Variants in TMEM200C observed in about 807,000 individuals in gnomAD.
TMEM200C encodes transmembrane protein TTMA.
For missense variants in TMEM200C, 966 were observed against 699.9 expected (o/e 1.38, Z -4.29); for synonymous variants, 462 against 324.7 (o/e 1.42, Z -4.55).
Position 5,891,738 on chromosome 18 carries a change from C to T in TMEM200C, c.326G>A (p.Ser109Asn), listed in dbSNP as rs2095171416. 6.2e-7 allele frequency: 1 copy of T among 1,612,200 alleles called. No individual in the cohort carries two copies. The highest frequency in any genetic ancestry group is 8.5e-7 in the Non-Finnish European group (1 of 1,179,798). Residue 109 changes from serine (S) to asparagine (N), a missense_variant, in exon 3 of 3, where the codon AGC becomes AAC. Transcript: ENST00000581347. The surrounding 1 kb of genome is among the most constrained non-coding windows in gnomAD (Gnocchi z 4.7). Reference sequence around the variant, plus strand: ...AGGGTGGCTCCTGGACCGGTTTTTGCTGCCACTGCTACTGCTGTTGGCCGT... The same window carrying T: ...AGGGTGGCTCCTGGACCGGTTTTTGTTGCCACTGCTACTGCTGTTGGCCGT...
chr18:5,894,349 T>C (rs565308226), intron 2 of TMEM200C, among the ~76,000 whole-genome samples: 1 of 152,338 alleles, frequency 6.6e-6, no homozygotes, highest in East Asian at 1.9e-4. Context: ...TTCAGCTCTG[T>C]TGAAGGCTGT....
At position 5,891,950 on chromosome 18, in the gene TMEM200C, G is replaced by T; in HGVS notation, c.114C>A (p.Asp38Glu). 1 of 1,613,964 alleles carries T rather than the reference G, an allele frequency of 6.2e-7. No individual in the cohort carries two copies. Among genetic ancestry groups the T allele is most frequent in the Non-Finnish European group, 8.5e-7 (1 of 1,179,894 alleles). ...TCAGCTTGCCTTTCACCACCACCACGTCGTTCTTGCGCCTCTTCTTGGCTT... is the reference window on the plus strand; with the variant it reads ...TCAGCTTGCCTTTCACCACCACCACTTCGTTCTTGCGCCTCTTCTTGGCTT... The change falls in exon 3 of 3, where the codon GAC becomes GAA. Residue 38 changes from aspartate (D) to glutamate (E), a missense_variant. By Grantham distance (45) the Asp-to-Glu change is conservative. Transcript: ENST00000581347. The surrounding 1 kb of genome is among the most constrained non-coding windows in gnomAD (Gnocchi z 4.7).
At chr18:5,887,159 ATT>A (rs2095165998) in exon 3 of TMEM200C, 1 of 152,218 alleles carries the variant, frequency 6.6e-6, no homozygotes, top group Admixed American at 6.5e-5. Flanking sequence ...TGTTGCAATT[ATT>A]TTAATTTAAC....
exon 3 of TMEM200C, chr18:5,884,693 C>G (rs1219476833): frequency 6.6e-6 from 1 of 151,978 alleles, no homozygotes; most frequent in Non-Finnish European, 1.5e-5. Flanking sequence ...TGTGTCTATA[C>G]AAAAGGGAGT....
In TMEM200C at chr18:5,890,418, G is replaced by T. The variant is rs769726954; in HGVS notation, c.1646C>A (p.Ser549Ter). The T allele has an allele frequency of 1.0e-5, 16 of 1,572,996 alleles. No homozygotes were observed. Among genetic ancestry groups the T allele is most frequent in the Admixed American group, 3.5e-5 (2 of 56,610 alleles). ...TTGACCAGCTACTGCGTCCAAGACC[G>T]ACTCGGTGGAGGTGCCGGCCTCCCG... is the stretch of plus-strand genomic sequence containing the variant. Residue 549 changes from serine (S) to a stop codon, truncating the protein, a stop_gained, in exon 3 of 3, where the codon TCG becomes TAG. Coordinates refer to ENST00000581347, the Ensembl canonical transcript of TMEM200C. LOFTEE classifies it low-confidence loss of function (END_TRUNC).
At chr18:5,892,874 A>T (rs1184697417) in intron 2 of TMEM200C, among the ~76,000 whole-genome samples, 1 of 152,208 alleles carries the variant, frequency 6.6e-6, no homozygotes, top group Non-Finnish European at 1.5e-5. Flanking sequence ...CTGTTCCTAC[A>T]GCTATGTGCA....
exon 3 of TMEM200C, chr18:5,882,084 A>T (rs1035269532): frequency 1.3e-5 from 2 of 152,156 alleles, no homozygotes; most frequent in African/African-American, 4.8e-5. Context: ...CATTGCGTAA[A>T]CCAGTTTAAT....
exon 3 of TMEM200C, chr18:5,890,846 C>A: frequency 1.5e-6 from 1 of 678,630 alleles, no homozygotes; most frequent in South Asian, 1.5e-5. Context: ...AGCCGCGTTC[C>A]CCCGGAGGCC....
chr18:5,891,365 C>A lies in TMEM200C; in HGVS notation c.699G>T (p.Ser233=). 3.0e-6 allele frequency: 4 copies of A among 1,348,078 alleles called. No homozygotes were observed. The highest frequency in any genetic ancestry group is 2.2e-5 in the South Asian group (1 of 46,306). 83.5% of individuals were successfully genotyped at this position (1,348,078 alleles called of 1,614,324 possible). The change falls in exon 3 of 3, where the codon TCG becomes TCT. Residue 233 remains serine, a synonymous_variant. Coordinates refer to ENST00000581347, the Ensembl canonical transcript of TMEM200C. This position sits in a 1 kb window ranked among gnomAD's most constrained non-coding sequence, Gnocchi z 4.7. ...GGGGCGCCGCGGCGGGGGCAGACGA[C>A]GACGAAGAGGCGGCGGCGGCCGCGG...
chr18:5,885,577 C>T (rs1352572988), exon 3 of TMEM200C: 2 of 152,194 alleles, frequency 1.3e-5, no homozygotes, highest in Non-Finnish European at 2.9e-5. Context: ...AGTTCACACC[C>T]ATGTGGGCTC....
exon 3 of TMEM200C, chr18:5,883,017 A>G (rs2095162868): frequency 6.7e-6 from 1 of 149,328 alleles, no homozygotes; most frequent in African/African-American, 2.4e-5. Flanking sequence ...TATTAACCAC[A>G]GCACTTTATC....
rs758443070 is a variant in TMEM200C, at chr18:5,891,647, G to C, written c.417C>G (p.Ala139=). ...ACGTGGAGGAGGAGGACGGGGAGGC[G>C]GCTCGTGCTGGAGGCGTGCTCCTGG... The change falls in exon 3 of 3, where the codon GCC becomes GCG. Residue 139 remains alanine, a synonymous_variant. Transcript: ENST00000581347. This position sits in a 1 kb window ranked among gnomAD's most constrained non-coding sequence, Gnocchi z 4.7. 1 of 1,613,808 alleles carries C rather than the reference G, an allele frequency of 6.2e-7. No homozygotes were observed. The highest frequency in any genetic ancestry group is 2.2e-5 in the East Asian group (1 of 44,822).
In TMEM200C at chr18:5,890,314, TG is replaced by T. The variant is rs749508733; in HGVS notation, c.1749del (p.Thr584ArgfsTer20). The T allele has an allele frequency of 6.2e-7, 1 of 1,604,302 alleles. No homozygotes were observed. Among genetic ancestry groups the T allele is most frequent in the Non-Finnish European group, 8.5e-7 (1 of 1,174,932 alleles). On this transcript the variant is annotated frameshift_variant, in exon 3 of 3. Coordinates refer to ENST00000581347, the Ensembl canonical transcript of TMEM200C. LOFTEE classifies it low-confidence loss of function (END_TRUNC). ...TGCACCGGCTGAGGTTGCTCGGCCG[TG>T]GGTGGCTCCTGGCTGGCACCCTCCG...
At chr18:5,887,999 G>C (rs1028801367) in exon 3 of TMEM200C, 12 of 152,188 alleles carry the variant, frequency 7.9e-5, no homozygotes, top group Non-Finnish European at 1.3e-4. Context: ...AGAGGTATTA[G>C]CTTTATTATT....
Position 5,891,342 on chromosome 18 carries a change from G to A in TMEM200C, c.722C>T (p.Pro241Leu), listed in dbSNP as rs1422462761. The change falls in exon 3 of 3, where the codon CCC (proline) becomes CTC (leucine). Residue 241 changes from proline (P) to leucine (L), a missense_variant. Physicochemically the swap from Pro to Leu is moderately conservative, Grantham distance 98. Coordinates refer to ENST00000581347, the Ensembl canonical transcript of TMEM200C. This position sits in a 1 kb window ranked among gnomAD's most constrained non-coding sequence, Gnocchi z 4.7. ...GCCGTTGAGCGGTATGGCCCCGGGG[G>A]GCGCCGCGGCGGGGGCAGACGACGA... The A allele has an allele frequency of 6.8e-6, 9 of 1,330,342 alleles. No homozygotes were observed. The highest frequency in any genetic ancestry group is 8.6e-6 in the Non-Finnish European group (9 of 1,042,540). 82.4% of individuals were successfully genotyped at this position (1,330,342 alleles called of 1,614,324 possible).
rs543455233 is a variant in TMEM200C at position 5,890,866 on chromosome 18, T to G, written c.1198A>C (p.Ser400Arg). ...CGTTCCCCCGGAGGCCTCTGCCAGCTGCAGCTCGCGCCCTCCGCGTCCCCG... is the reference window on the plus strand; with the variant it reads ...CGTTCCCCCGGAGGCCTCTGCCAGCGGCAGCTCGCGCCCTCCGCGTCCCCG... The change falls in exon 3 of 3, where the codon AGC becomes CGC. Residue 400 changes from serine (S) to arginine (R), a missense_variant. Transcript: ENST00000581347. 2,038 of 682,132 alleles carry G rather than the reference T, an allele frequency of 3.0e-3. 12 individuals are homozygous for G. The highest frequency in any genetic ancestry group is 3.2e-3 in the Non-Finnish European group (1,215 of 375,944). 42.3% of individuals were successfully genotyped at this position (682,132 alleles called of 1,614,324 possible).
Position 5,891,304 on chromosome 18 carries a change from C to G in TMEM200C, c.760G>C (p.Val254Leu). 3.5e-6 allele frequency: 5 copies of G among 1,415,072 alleles called. No individual in the cohort carries two copies. Among genetic ancestry groups the G allele is most frequent in the Non-Finnish European group, 4.6e-6 (5 of 1,079,056 alleles). 87.7% of individuals were successfully genotyped at this position (1,415,072 alleles called of 1,614,324 possible). Residue 254 changes from valine to leucine, a missense_variant, in exon 3 of 3, where the codon GTG becomes CTG. Transcript: ENST00000581347. This position sits in a 1 kb window ranked among gnomAD's most constrained non-coding sequence, Gnocchi z 4.7. ...TTCAGCTCCAGGCCCCGCGACTGCA[C>G]GTAGCTGAGGAAGCCGTTGAGCGGT...
chr18:5,891,063 C>A lies in TMEM200C; in HGVS notation c.1001G>T (p.Gly334Val). 3.7e-6 allele frequency: 2 copies of A among 535,742 alleles called. No individual in the cohort carries two copies. The highest frequency in any genetic ancestry group is 4.9e-5 in the South Asian group (2 of 40,824). The allele number at this position is 535,742 out of a possible 1,614,324, so 33.2% of individuals were successfully genotyped here. A position where few individuals can be genotyped will look rare whatever the true frequency, so the allele number is the denominator to read the frequency against. The change falls in exon 3 of 3, where the codon GGC (glycine) becomes GTC (valine). Residue 334 changes from glycine to valine, a missense_variant. Coordinates refer to ENST00000581347, the Ensembl canonical transcript of TMEM200C. The surrounding 1 kb of genome is among the most constrained non-coding windows in gnomAD (Gnocchi z 4.7). Reference sequence around the variant, plus strand: ...GGTGGCAGCGGCGGCCCGGCGACTGCCTGCCACGCCCGAGCGCTCGCGGTA... The same window carrying A: ...GGTGGCAGCGGCGGCCCGGCGACTGACTGCCACGCCCGAGCGCTCGCGGTA...
Position 5,891,199 on chromosome 18 carries a change from C to T in TMEM200C, c.865G>A (p.Ala289Thr). Reference sequence around the variant, plus strand: ...CGAGGGCGGCCGCCGCTCGGCGCCGCGGGGTGAGGAGGCCACGAGCCCTTG... The same window carrying T: ...CGAGGGCGGCCGCCGCTCGGCGCCGTGGGGTGAGGAGGCCACGAGCCCTTG... Residue 289 changes from alanine (A) to threonine (T), a missense_variant, in exon 3 of 3, where the codon GCG (alanine) becomes ACG (threonine). Coordinates refer to ENST00000581347, the Ensembl canonical transcript of TMEM200C. This position sits in a 1 kb window ranked among gnomAD's most constrained non-coding sequence, Gnocchi z 4.7. 3.0e-6 allele frequency: 3 copies of T among 996,998 alleles called. No individual in the cohort carries two copies. The highest frequency in any genetic ancestry group is 6.7e-5 in the South Asian group (2 of 30,006). 61.8% of individuals were successfully genotyped at this position (996,998 alleles called of 1,614,324 possible). A position where few individuals can be genotyped will look rare whatever the true frequency, so the allele number is the denominator to read the frequency against.
Sources: gnomAD v4.1 joint callset for allele counts (sites outside exome capture counted in the v4.1 genomes callset) on GRCh38, gnomAD v4.1.1 for gene constraint, Gnocchi (gnomAD v3.1) non-coding constraint, MANE v1.5 for transcripts, NCBI Gene and HGNC (gene_info 2026-07-23, HGNC 2026-07-21) for gene names.